The following CDH13 variants were observed in gnomAD, a reference collection of about 807,000 sequenced individuals.
The protein encoded by CDH13 is cadherin-13.
A neutral mutation model predicts 63.8 loss-of-function variants in CDH13; 24 were observed. That is an observed-to-expected ratio of 0.38 (90% CI 0.27 to 0.53). The LOEUF is 0.53. Ranked by LOEUF, CDH13 falls within the 20% of genes least tolerant of loss-of-function variation. The pLI is 0.85. For missense variants in CDH13, 1,049 were observed against 903.1 expected, an observed-to-expected ratio of 1.16 and a Z score of -2.07; for synonymous variants, 503 against 355.3, an observed-to-expected ratio of 1.42 and a Z score of -4.67.
chr16:82,806,093 C>A (rs12922616), intron 1 of CDH13, among the ~76,000 whole-genome samples: 16,997 of 152,180 alleles, frequency 0.11, 1,234 homozygotes, highest in Middle Eastern at 0.17. Flanking sequence ...TTGTTTCCTT[C>A]CAAGCTCAAG....
At chr16:82,854,349 C>G (rs1039808641) in intron 1 of CDH13, among the ~76,000 whole-genome samples, 155 of 130,716 alleles carry the variant, frequency 1.2e-3, no homozygotes, top group African/African-American at 4.1e-3. Context: ...TGCAGTGAGC[C>G]AAGATCGTGC....
chr16:83,017,386 A>G (rs1159481330), intron 2 of CDH13, among the ~76,000 whole-genome samples: 2 of 152,220 alleles, frequency 1.3e-5, no homozygotes, highest in East Asian at 3.9e-4. Context: ...GCTAAGCTGT[A>G]GAATAACTTC....
chr16:83,192,866 A>T (rs2038763523), intron 4 of CDH13, among the ~76,000 whole-genome samples: 1 of 152,200 alleles, frequency 6.6e-6, no homozygotes, highest in Non-Finnish European at 1.5e-5. Context: ...TGCATCTAAA[A>T]GATGAAGGTC....
At chr16:82,968,705 A>C (rs1423926222) in intron 2 of CDH13, among the ~76,000 whole-genome samples, 1 of 152,170 alleles carries the variant, frequency 6.6e-6, no homozygotes, top group Non-Finnish European at 1.5e-5. Flanking sequence ...CAGCTCTAGA[A>C]GCCCTGGTAT....
intron 7 of CDH13, among the ~76,000 whole-genome samples, chr16:83,559,567 A>G (rs1237197009): frequency 2.4e-5 from 3 of 125,188 alleles, no homozygotes; most frequent in African/African-American, 1.0e-4. Context: ...GCGAAACTGT[A>G]TAAAAAGAAA....
At chr16:82,935,845 C>G (rs1416577620) in intron 2 of CDH13, among the ~76,000 whole-genome samples, 1 of 152,028 alleles carries the variant, frequency 6.6e-6, no homozygotes, top group Non-Finnish European at 1.5e-5. Flanking sequence ...GGAGGTTTAA[C>G]ACGTAGAAGA....
At chr16:82,822,929 G>C (rs773845001) in intron 1 of CDH13, among the ~76,000 whole-genome samples, 1 of 152,158 alleles carries the variant, frequency 6.6e-6, no homozygotes, top group African/African-American at 2.4e-5. Context: ...GTCAGTGGCC[G>C]AGGCTGGAGT....
At chr16:83,315,753 T>C (rs1248219008) in intron 5 of CDH13, among the ~76,000 whole-genome samples, 6 of 152,140 alleles carry the variant, frequency 3.9e-5, no homozygotes, top group African/African-American at 1.4e-4. Flanking sequence ...GGCCCTTAGG[T>C]GACCATCAAT....
At chr16:83,383,356 C>T (rs2091607537) in intron 6 of CDH13, among the ~76,000 whole-genome samples, 1 of 152,118 alleles carries the variant, frequency 6.6e-6, no homozygotes, top group South Asian at 2.1e-4. Context: ...CACCATTTTC[C>T]CCTTTATAAT....
chr16:83,438,551 T>G (rs886951296), intron 6 of CDH13, among the ~76,000 whole-genome samples: 1 of 152,234 alleles, frequency 6.6e-6, no homozygotes, highest in African/African-American at 2.4e-5. Context: ...CTAGTACAGC[T>G]GCTAAATTCA....
At position 83,211,958 on chromosome 16, in the gene CDH13, T is replaced by C. The variant is rs2039351531; in HGVS notation, c.484-5387T>C. 3.3e-5 allele frequency among the ~76,000 whole-genome samples: 5 copies of C among 152,150 alleles called. No individual in the cohort carries two copies. In the South Asian group the frequency reaches 1.0e-3, roughly 32 times the overall value. On this transcript the variant is annotated intron_variant, in intron 4 of 13. Coordinates refer to ENST00000567109, the MANE Select transcript of CDH13 (RefSeq NM_001257.5). Reference sequence around the variant, plus strand: ...AAAAGAAGTGTGGAATTACAAAGAATAATAGGAAGTTCTCGCTAACTGTGA... The same window carrying C: ...AAAAGAAGTGTGGAATTACAAAGAACAATAGGAAGTTCTCGCTAACTGTGA...
chr16:83,123,696 A>T (rs902200152), intron 3 of CDH13, among the ~76,000 whole-genome samples: 2 of 151,768 alleles, frequency 1.3e-5, no homozygotes, highest in African/African-American at 2.4e-5. Context: ...TGATATAACG[A>T]TTCCTTTTCC....
At chr16:82,857,123 G>C (rs548867505) in intron 1 of CDH13, among the ~76,000 whole-genome samples, 49 of 152,334 alleles carry the variant, frequency 3.2e-4, no homozygotes, top group African/African-American at 1.1e-3. Context: ...CTCTGACAGA[G>C]TTCCTTTGAG....
At chr16:83,475,506 C>G (rs1368476375) in intron 6 of CDH13, among the ~76,000 whole-genome samples, 1 of 152,190 alleles carries the variant, frequency 6.6e-6, no homozygotes, top group Non-Finnish European at 1.5e-5. Context: ...ACTTTATGTG[C>G]TAAGCCACTG....
At chr16:83,567,213 G>T (rs1904289434) in intron 7 of CDH13, among the ~76,000 whole-genome samples, 1 of 152,214 alleles carries the variant, frequency 6.6e-6, no homozygotes, top group South Asian at 2.1e-4. Flanking sequence ...GCTCTCATCA[G>T]TGTATTCTCT....
intron 2 of CDH13, among the ~76,000 whole-genome samples, chr16:82,927,157 G>C (rs7501309): frequency 0.36 from 55,346 of 151,924 alleles, 11,074 homozygotes; most frequent in Non-Finnish European, 0.45. Flanking sequence ...AGGATGGTAG[G>C]TGGTGCCAAG....
At chr16:82,725,376 T>C (rs376950483) in intron 1 of CDH13, among the ~76,000 whole-genome samples, 12 of 152,154 alleles carry the variant, frequency 7.9e-5, no homozygotes, top group Admixed American at 5.2e-4. Context: ...TGAGGGAGAA[T>C]AGTGGGTTCT....
At chr16:82,837,464 C>T (rs1438071152) in intron 1 of CDH13, among the ~76,000 whole-genome samples, 2 of 151,966 alleles carry the variant, frequency 1.3e-5, no homozygotes, top group Non-Finnish European at 2.9e-5. Context: ...GTCCCCAAGG[C>T]CACCCCCAGT....
chr16:82,979,159 T>C (rs1018487257), intron 2 of CDH13, among the ~76,000 whole-genome samples: 1 of 152,232 alleles, frequency 6.6e-6, no homozygotes, highest in African/African-American at 2.4e-5. Flanking sequence ...GGAACAGATG[T>C]ATTTATCCAA....
Sources: gnomAD v4.1 joint callset for allele counts (sites outside exome capture counted in the v4.1 genomes callset) on GRCh38, gnomAD v4.1.1 for gene constraint, MANE v1.5 for transcripts, NCBI Gene and HGNC (gene_info 2026-07-23, HGNC 2026-07-21) for gene names.